The following SLC39A11 variants were observed in gnomAD, a reference collection of about 807,000 sequenced individuals.
The protein encoded by SLC39A11 is zinc transporter ZIP11.
A neutral mutation model predicts 36.1 loss-of-function variants in SLC39A11; 33 were observed. The ratio of observed to expected loss-of-function variants is 0.91; its 90% CI spans 0.69 to 1.22. The LOEUF (loss-of-function observed/expected upper bound fraction) is 1.22, where lower values mean the gene tolerates loss of function less well. SLC39A11 is among the 50% of genes most tolerant of loss of function. The pLI is 0.00. For missense variants in SLC39A11, 432 were observed against 430.3 expected, an observed-to-expected ratio of 1.00 and a Z score of -0.03; for synonymous variants, 166 against 170.3, an observed-to-expected ratio of 0.97 and a Z score of 0.20.
intron 4 of SLC39A11, among the ~76,000 whole-genome samples, chr17:72,950,903 C>T (rs2085812213): frequency 3.9e-5 from 6 of 152,062 alleles, no homozygotes; most frequent in Admixed American, 3.9e-4. Flanking sequence ...GCTGATATCT[C>T]TAGTGGGTAG....
At chr17:72,676,936 T>A (rs1374589864) in intron 7 of SLC39A11, among the ~76,000 whole-genome samples, 1 of 152,230 alleles carries the variant, frequency 6.6e-6, no homozygotes, top group Admixed American at 6.5e-5. Context: ...AAGAAGATTC[T>A]TAGAAACTTG....
intron 3 of SLC39A11, among the ~76,000 whole-genome samples, chr17:73,070,904 A>G (rs1020369339): frequency 6.6e-6 from 1 of 152,180 alleles, no homozygotes; most frequent in Non-Finnish European, 1.5e-5. Context: ...TCTCTTTTGT[A>G]AATTGCCCAG....
chr17:72,715,375 A>G (rs2073309106), intron 7 of SLC39A11, among the ~76,000 whole-genome samples: 1 of 152,272 alleles, frequency 6.6e-6, no homozygotes, highest in East Asian at 1.9e-4. Context: ...ACTATTCACA[A>G]GAGCTAAATG....
chr17:72,784,860 C>CTT (rs10594452), intron 6 of SLC39A11, among the ~76,000 whole-genome samples: 27 of 134,716 alleles, frequency 2.0e-4, no homozygotes, highest in African/African-American at 6.5e-4. Flanking sequence ...TTTCTTTCTT[C>CTT]TTTTTTTTTT....
intron 5 of SLC39A11, among the ~76,000 whole-genome samples, chr17:72,874,403 G>C (rs893559212): frequency 1.3e-5 from 2 of 152,106 alleles, no homozygotes; most frequent in African/African-American, 4.8e-5. Context: ...GATTTTGTGG[G>C]AAAGCTCCAT....
At chr17:72,851,028 G>A (rs1419372286) in intron 5 of SLC39A11, among the ~76,000 whole-genome samples, 1 of 152,028 alleles carries the variant, frequency 6.6e-6, no homozygotes, top group Non-Finnish European at 1.5e-5. Context: ...AACGAGGGAA[G>A]CGGCTGGACA....
chr17:73,037,026 TTTA>T (rs2058943521), intron 3 of SLC39A11, among the ~76,000 whole-genome samples: 3 of 152,214 alleles, frequency 2.0e-5, no homozygotes, highest in Non-Finnish European at 4.4e-5. Context: ...TTTTAATGCA[TTTA>T]AGATTCCTCC....
chr17:72,672,775 T>C (rs1041295901), intron 7 of SLC39A11, among the ~76,000 whole-genome samples: 9 of 152,056 alleles, frequency 5.9e-5, no homozygotes, highest in Non-Finnish European at 1.5e-5. Context: ...ATTTTTTTTA[T>C]TTTTTGGTAG....
At chr17:72,813,779 A>G (rs531193916) in intron 6 of SLC39A11, among the ~76,000 whole-genome samples, 3 of 152,354 alleles carry the variant, frequency 2.0e-5, no homozygotes, top group African/African-American at 7.2e-5. Context: ...ATTACCCTCA[A>G]AAGAGTAAAA....
At chr17:73,060,757 C>A (rs1399139209) in intron 3 of SLC39A11, among the ~76,000 whole-genome samples, 1 of 151,972 alleles carries the variant, frequency 6.6e-6, no homozygotes. Context: ...CATATGTGTT[C>A]TAGAAAATTG....
chr17:72,861,259 C>T (rs79126870), intron 5 of SLC39A11, among the ~76,000 whole-genome samples: 472 of 152,158 alleles, frequency 3.1e-3, no homozygotes, highest in Non-Finnish European at 3.9e-3. Flanking sequence ...TTTAAAATTC[C>T]ATGTTCACGC....
chr17:73,081,104 G>C (rs922928422), intron 3 of SLC39A11, among the ~76,000 whole-genome samples: 1 of 151,792 alleles, frequency 6.6e-6, no homozygotes, highest in Non-Finnish European at 1.5e-5. Flanking sequence ...AATCTACAAG[G>C]AACTCAAACA....
At chr17:72,969,879 T>C (rs1027803664) in intron 4 of SLC39A11, among the ~76,000 whole-genome samples, 1 of 152,186 alleles carries the variant, frequency 6.6e-6, no homozygotes, top group African/African-American at 2.4e-5. Flanking sequence ...CTCTAAAATA[T>C]TCTGCCCAAG....
chr17:73,017,127 C>A (rs903108), intron 4 of SLC39A11, among the ~76,000 whole-genome samples: 2 of 152,106 alleles, frequency 1.3e-5, no homozygotes, highest in African/African-American at 4.8e-5. Flanking sequence ...CAGAGAGAAA[C>A]GAGGGGGAAA....
At chr17:72,843,096 C>T (rs1245779282) in intron 6 of SLC39A11, among the ~76,000 whole-genome samples, 10 of 151,964 alleles carry the variant, frequency 6.6e-5, no homozygotes, top group Admixed American at 2.6e-4. Flanking sequence ...ATTACAGGCA[C>T]GTGCCACCAC....
chr17:73,088,552 G>A, intron 2 of SLC39A11, 105 bp downstream of exon 2: 1 of 828,746 alleles, frequency 1.2e-6, no homozygotes, highest in Non-Finnish European at 2.0e-6. Context: ...TGGGGGTGTG[G>A]CCAGGGGCAC....
chr17:72,987,139 G>A (rs1270532217), intron 4 of SLC39A11, among the ~76,000 whole-genome samples: 1 of 152,152 alleles, frequency 6.6e-6, no homozygotes, highest in South Asian at 2.1e-4. Context: ...GAAAGATCCT[G>A]CTAGTTCTTT....
intron 7 of SLC39A11, among the ~76,000 whole-genome samples, chr17:72,697,125 C>A (rs1434079894): frequency 6.6e-6 from 1 of 152,210 alleles, no homozygotes; most frequent in East Asian, 1.9e-4. Flanking sequence ...ACTCGTCCCC[C>A]AGGCTGGAGT....
At chr17:72,743,390 T>C (rs747924340) in intron 6 of SLC39A11, among the ~76,000 whole-genome samples, 36 of 152,198 alleles carry the variant, frequency 2.4e-4, no homozygotes, top group Non-Finnish European at 4.3e-4. Context: ...GCCCATCCTG[T>C]ACCTCAGGCC....
Sources: gnomAD v4.1 joint callset for allele counts (sites outside exome capture counted in the v4.1 genomes callset) on GRCh38, gnomAD v4.1.1 for gene constraint, MANE v1.5 for transcripts, NCBI Gene and HGNC (gene_info 2026-07-23, HGNC 2026-07-21) for gene names.